The following DNAH3 variants were observed in gnomAD, a reference collection of about 807,000 sequenced individuals.
DNAH3 encodes dynein axonemal heavy chain 3.
In DNAH3, 332 loss-of-function variants were observed where a neutral mutation model predicts 432.5. That is an observed-to-expected ratio of 0.77 (90% CI 0.70 to 0.84). The LOEUF (loss-of-function observed/expected upper bound fraction) is 0.84, where lower values mean the gene tolerates loss of function less well. DNAH3 is among the 40% of genes least tolerant of loss of function. The pLI is 0.00. For synonymous variants in DNAH3, 1,956 were observed against 1,900.2 expected, an observed-to-expected ratio of 1.03 and a Z score of -0.76; for missense variants, 4,861 against 5,114.0, an observed-to-expected ratio of 0.95 and a Z score of 1.51.
chr16:21,098,492 G>T, intron 17 of DNAH3, 124 bp downstream of exon 17: 1 of 883,578 alleles, frequency 1.1e-6, no homozygotes. Context: ...TGAAAGAACT[G>T]GCCAATGAGT....
chr16:21,013,333 C>CTGCT (rs142174704), intron 41 of DNAH3, among the ~76,000 whole-genome samples: 22,935 of 151,430 alleles, frequency 0.15, 2,204 homozygotes, highest in African/African-American at 0.27. Context: ...AGTTTGGGAC[C>CTGCT]AGCACCAGCC....
intron 16 of DNAH3, among the ~76,000 whole-genome samples, chr16:21,101,951 G>A (rs16970881): frequency 0.037 from 5,581 of 152,278 alleles, 174 homozygotes; most frequent in East Asian, 0.18. Flanking sequence ...GAGAATAATC[G>A]GCATGGAACC....
At chr16:20,987,950 C>T (rs2086288054) in exon 45 of DNAH3, 1 of 1,614,096 alleles carries the variant, frequency 6.2e-7, no homozygotes, top group Admixed American at 1.7e-5. Flanking sequence ...ACCTTAAAAA[C>T]ATCACATCAA....
rs937862802 is a variant in DNAH3 at position 21,025,180 on chromosome 16, T to C, written c.5541-479A>G. On this transcript the variant is annotated intron_variant, in intron 38 of 61. Coordinates refer to ENST00000261383, the Ensembl canonical transcript of DNAH3. ...GTCTAGAACTCCTGGCCTCAAGTGA[T>C]CCATCCACCTGGGCCTCCCAAAGCG... is the stretch of plus-strand genomic sequence containing the variant. Among the ~76,000 whole-genome samples, 6 of 152,188 alleles carry C rather than the reference T, an allele frequency of 3.9e-5. No individual in the cohort carries two copies. In the South Asian group the frequency reaches 1.2e-3, roughly 32 times the overall value.
Position 21,101,409 on chromosome 16 carries a change from T to G in DNAH3, c.2367-2640A>C, listed in dbSNP as rs115069023. Among the ~76,000 whole-genome samples the G allele has an allele frequency of 3.4e-3, 522 of 152,288 alleles. 1 individual carries two copies. The highest frequency in any genetic ancestry group is 0.012 in the African/African-American group (478 of 41,562). On this transcript the variant is annotated intron_variant, in intron 16 of 61. Coordinates refer to ENST00000261383, the Ensembl canonical transcript of DNAH3. The stretch of plus-strand genomic sequence containing the variant: ...TCCATACATATTTCATATAAATAAA[T>G]TCCTATATATATATCCCAATATATT...
intron 34 of DNAH3, among the ~76,000 whole-genome samples, chr16:21,037,240 C>T (rs559928443): frequency 5.3e-5 from 8 of 152,222 alleles, no homozygotes; most frequent in East Asian, 1.9e-4. Flanking sequence ...ATCCAGGAGG[C>T]AGAGGTTGCA....
rs762197650 is a variant in DNAH3, at chr16:20,957,808, C to CAAAAAAAAAAAAAAAAAAAAAA, written c.10826+1349_10826+1370dup. On this transcript the variant is annotated intron_variant, in intron 54 of 61. Transcript: ENST00000261383. ...GGCAATAAGAGCGAAACTCCATCTC[C>CAAAAAAAAAAAAAAAAAAAAAA]AAAAAAAAAAAAAAAAAAAAAAAAA... is the stretch of plus-strand genomic sequence containing the variant. Among the ~76,000 whole-genome samples, 6 of 53,286 alleles carry CAAAAAAAAAAAAAAAAAAAAAA rather than the reference C, an allele frequency of 1.1e-4. 1 individual carries two copies. Among genetic ancestry groups the CAAAAAAAAAAAAAAAAAAAAAA allele is most frequent in the South Asian group, 6.1e-4 (1 of 1,648 alleles). 35.0% of individuals were successfully genotyped at this position (53,286 alleles called of 152,430 possible).
chr16:21,024,275 G>C (rs1469456335), intron 39 of DNAH3, among the ~76,000 whole-genome samples: 3 of 152,118 alleles, frequency 2.0e-5, no homozygotes, highest in Non-Finnish European at 4.4e-5. Context: ...TCTGTTAGTG[G>C]GGCAATGAAG....
At chr16:21,112,340 G>T (rs1188107059) in intron 12 of DNAH3, among the ~76,000 whole-genome samples, 1 of 152,120 alleles carries the variant, frequency 6.6e-6, no homozygotes, top group Admixed American at 6.6e-5. Context: ...TCAAGGATGG[G>T]TGTTGTATTA....
exon 4 of DNAH3, chr16:21,141,346 T>C: frequency 6.3e-7 from 1 of 1,591,364 alleles, no homozygotes; most frequent in South Asian, 1.1e-5. Context: ...GTTTTTTTCC[T>C]CATGGGCTCT....
intron 44 of DNAH3, among the ~76,000 whole-genome samples, chr16:20,988,792 G>A (rs149177346): frequency 6.6e-6 from 1 of 152,164 alleles, no homozygotes; most frequent in Non-Finnish European, 1.5e-5. Context: ...AAGGTGGCGC[G>A]TCTGGAGGTT....
intron 18 of DNAH3, among the ~76,000 whole-genome samples, chr16:21,090,774 G>A (rs534236112): frequency 2.1e-4 from 32 of 152,296 alleles, no homozygotes; most frequent in African/African-American, 7.7e-4. Context: ...GAAAGATGTT[G>A]ATGAAGGGTA....
chr16:21,158,207 C>T (rs1308649975), intron 1 of DNAH3, among the ~76,000 whole-genome samples: 1 of 152,230 alleles, frequency 6.6e-6, no homozygotes, highest in Non-Finnish European at 1.5e-5. Context: ...ATCTCACTGG[C>T]TTATGACATT....
intron 59 of DNAH3, among the ~76,000 whole-genome samples, chr16:20,937,719 T>C (rs1384460255): frequency 1.3e-5 from 2 of 151,548 alleles, no homozygotes; most frequent in African/African-American, 4.9e-5. Flanking sequence ...AGAGACAAGG[T>C]CTCCCTATGT....
At chr16:21,014,843 C>CA (rs1457954650) in intron 41 of DNAH3, among the ~76,000 whole-genome samples, 2 of 151,596 alleles carry the variant, frequency 1.3e-5, no homozygotes, top group Non-Finnish European at 2.9e-5. Context: ...ATATTAACTC[C>CA]AAAAAAGAAG....
At chr16:21,021,893 A>C in intron 40 of DNAH3, 78 bp downstream of exon 40, 1 of 1,514,218 alleles carries the variant, frequency 6.6e-7, no homozygotes, top group Non-Finnish European at 9.0e-7. Context: ...ACAGAGTGAG[A>C]CTTCATCTCA....
intron 1 of DNAH3, among the ~76,000 whole-genome samples, chr16:21,146,755 TTTTC>T (rs1284871908): frequency 2.5e-4 from 35 of 139,566 alleles, no homozygotes; most frequent in African/African-American, 6.2e-4. Context: ...CCTGTTTCTT[TTTTC>T]TTTCTTTCTT....
In DNAH3 at chr16:20,948,487, T is replaced by C; in HGVS notation, c.11339A>G (p.Tyr3780Cys). The C allele has an allele frequency of 1.2e-6, 2 of 1,613,278 alleles. 1 individual carries two copies. Among genetic ancestry groups the C allele is most frequent in the Non-Finnish European group, 1.7e-6 (2 of 1,179,706 alleles). Residue 3780 changes from tyrosine (Y) to cysteine (C), a missense_variant, in exon 57 of 62, where the codon TAC (tyrosine) becomes TGC (cysteine). Physicochemically the swap from Tyr to Cys is radical, Grantham distance 194 (BLOSUM62 -2). Coordinates refer to ENST00000261383, the Ensembl canonical transcript of DNAH3. ...GCCTCCCTGCCCACCCCTTACCTGG[T>C]AGGAGCCATGAGGAGGGATGTAGTA...
At chr16:20,980,212 ATTATTTATATTAT>A (rs1033442382) in intron 49 of DNAH3, among the ~76,000 whole-genome samples, 24 of 132,714 alleles carry the variant, frequency 1.8e-4, no homozygotes, top group African/African-American at 6.9e-4. Context: ...ATTTATTTAT[ATTATTTATATTAT>A]TTATTTATAT....
Sources: allele counts gnomAD v4.1 joint callset (sites outside exome capture counted in the v4.1 genomes callset), GRCh38; gene constraint gnomAD v4.1.1; transcripts MANE v1.5; gene names NCBI Gene and HGNC (gene_info 2026-07-23, HGNC 2026-07-21).